CYSLTR1: variants seen among roughly 807,000 people sequenced by gnomAD.
CYSLTR1 encodes the protein G-protein coupled receptor HG55.
A neutral mutation model predicts 2.1 loss-of-function variants in CYSLTR1; 1 was observed. The ratio of observed to expected loss-of-function variants is 0.48; its 90% confidence interval spans 0.17 to 2.28. CYSLTR1 has a LOEUF of 2.28. Among genes scored for constraint, CYSLTR1 ranks in the 30% most tolerant of loss-of-function variants. The pLI, the probability that CYSLTR1 is intolerant of heterozygous loss-of-function variation, is 0.26. For missense variants in CYSLTR1, 299 were observed against 250.1 expected (o/e 1.20, Z -1.32); for synonymous variants, 110 against 89.6 (o/e 1.23, Z -1.28).
intron 1 of CYSLTR1, among the ~76,000 whole-genome samples, chrX:78,298,468 G>A (rs1224382563): frequency 9.0e-6 from 1 of 110,736 alleles, no homozygotes; most frequent in Non-Finnish European, 1.9e-5. Flanking sequence ...CTGAAAGTGG[G>A]GTGTTGAAGT....
At chrX:78,309,174 C>T (rs777747269) in intron 1 of CYSLTR1, among the ~76,000 whole-genome samples, 28 of 110,783 alleles carry the variant, frequency 2.5e-4, no homozygotes, top group East Asian at 5.7e-4. Flanking sequence ...AGAGAGAAGG[C>T]GGGAGAGAGA....
intron 2 of CYSLTR1, among the ~76,000 whole-genome samples, chrX:78,276,439 G>A (rs1921595097): frequency 9.0e-6 from 1 of 110,898 alleles, no homozygotes; most frequent in Non-Finnish European, 1.9e-5. Flanking sequence ...GACTGCTTGA[G>A]TATGCAAAAA....
At chrX:78,308,857 T>C (rs1279685790) in intron 1 of CYSLTR1, among the ~76,000 whole-genome samples, 1 of 111,186 alleles carries the variant, frequency 9.0e-6, no homozygotes, top group African/African-American at 3.3e-5. Context: ...CTGCTTGGCA[T>C]TGAATTGGTG....
intron 2 of CYSLTR1, among the ~76,000 whole-genome samples, chrX:78,281,310 G>C (rs1231938236): frequency 9.4e-6 from 1 of 105,899 alleles, no homozygotes; most frequent in Middle Eastern, 4.4e-3. Context: ...TCTGTCACCT[G>C]GGCTGGAGTG....
rs768814904 is a variant in CYSLTR1 at position 78,273,382 on chromosome X, C to T, written c.365G>A (p.Cys122Tyr). 2 of 1,211,123 alleles carry T rather than the reference C, an allele frequency of 1.7e-6. No homozygotes were observed. Among genetic ancestry groups the T allele is most frequent in the Non-Finnish European group, 1.1e-6 (1 of 895,327 alleles). Residue 122 changes from cysteine (C) to tyrosine (Y), a missense_variant, in exon 3 of 3, where the codon TGC becomes TAC. Physicochemically the swap from Cys to Tyr is radical, Grantham distance 194. Coordinates refer to ENST00000373304, the MANE Select transcript of CYSLTR1 (RefSeq NM_006639.4). ...FFMTAMSFFRCIAIVFPVQNI... is the reference protein window; with the variant it reads ...FFMTAMSFFRYIAIVFPVQNI... ...CTGGACTGGAAAAACAATTGCAATG[C>T]ACCGGAAAAAGCTCATGGCTGTCAT...
chrX:78,289,282 A>C (rs187155269), intron 1 of CYSLTR1, among the ~76,000 whole-genome samples: 1 of 111,812 alleles, frequency 8.9e-6, no homozygotes, highest in Admixed American at 9.4e-5. Context: ...GTCCCTGCAA[A>C]GGACATGAAC....
At chrX:78,296,428 G>T (rs1922577842) in intron 1 of CYSLTR1, among the ~76,000 whole-genome samples, 3 of 111,689 alleles carry the variant, frequency 2.7e-5, no homozygotes, top group African/African-American at 9.7e-5. Context: ...TTCTATTTCT[G>T]TGAAGAATGT....
intron 1 of CYSLTR1, among the ~76,000 whole-genome samples, chrX:78,302,164 G>A (rs1922845549): frequency 8.9e-6 from 1 of 111,921 alleles, no homozygotes; most frequent in African/African-American, 3.2e-5. Context: ...CTTTTCAAAG[G>A]CAGAGGAGCC....
chrX:78,301,127 GA>G (rs1922805463), intron 1 of CYSLTR1, among the ~76,000 whole-genome samples: 1 of 112,081 alleles, frequency 8.9e-6, no homozygotes, highest in Non-Finnish European at 1.9e-5. Flanking sequence ...CCTGGCCCAT[GA>G]AACCATTTTT....
In CYSLTR1 at chrX:78,289,918, G is replaced by C. The variant is rs768981854; in HGVS notation, c.-114-6378C>G. On this transcript the variant is annotated intron_variant, in intron 1 of 2. Transcript: ENST00000373304. Reference sequence around the variant, plus strand: ...TTTTCTCCCATTCTGTAGGTTGCCTGTTCACTCTGATGGTAGTTTCTTCTG... The same window carrying C: ...TTTTCTCCCATTCTGTAGGTTGCCTCTTCACTCTGATGGTAGTTTCTTCTG... Among the ~76,000 whole-genome samples the C allele has an allele frequency of 1.3e-4, 15 of 111,675 alleles. No individual in the cohort carries two copies. In the South Asian group the frequency reaches 5.6e-3, roughly 42 times the overall value.
chrX:78,302,429 C>A (rs1922858855), intron 1 of CYSLTR1, among the ~76,000 whole-genome samples: 1 of 111,469 alleles, frequency 9.0e-6, no homozygotes, highest in African/African-American at 3.3e-5. Context: ...GAGCTGGTAC[C>A]TGAGGTGCAA....
chrX:78,284,466 T>C (rs1921970219), intron 1 of CYSLTR1, among the ~76,000 whole-genome samples: 1 of 111,258 alleles, frequency 9.0e-6, no homozygotes, highest in African/African-American at 3.3e-5. Flanking sequence ...AGTGGCGTGA[T>C]CTCCACTCAC....
Position 78,291,385 on chromosome X carries a change from C to T in CYSLTR1, c.-114-7845G>A, listed in dbSNP as rs141862042. Reference sequence around the variant, plus strand: ...AGTATTTTATTGAGAATTTTTGCATCGATGTTTATCAGGGATATTAGTCTA... The same window carrying T: ...AGTATTTTATTGAGAATTTTTGCATTGATGTTTATCAGGGATATTAGTCTA... On this transcript the variant is annotated intron_variant, in intron 1 of 2. Coordinates refer to ENST00000373304, the MANE Select transcript of CYSLTR1 (RefSeq NM_006639.4). 4.5e-3 allele frequency among the ~76,000 whole-genome samples: 505 copies of T among 111,227 alleles called. 4 individuals are homozygous for T. The highest frequency in any genetic ancestry group is 0.016 in the African/African-American group (487 of 30,581).
At chrX:78,320,213 T>A (rs1425760722) in intron 1 of CYSLTR1, 1 of 112,058 alleles carries the variant, frequency 8.9e-6, no homozygotes, top group East Asian at 2.8e-4. Flanking sequence ...GTATTGCCTA[T>A]GTTTTCTTCT....
intron 1 of CYSLTR1, among the ~76,000 whole-genome samples, chrX:78,316,304 C>G (rs772023254): frequency 8.9e-6 from 1 of 112,151 alleles, no homozygotes; most frequent in Non-Finnish European, 1.9e-5. Context: ...AAGTTTCCAA[C>G]TGGATTTTGC....
At chrX:78,299,045 T>C (rs1018473787) in intron 1 of CYSLTR1, among the ~76,000 whole-genome samples, 2 of 111,480 alleles carry the variant, frequency 1.8e-5, no homozygotes, top group South Asian at 7.4e-4. Context: ...TTGTACATTG[T>C]TTGGTTTGAG....
intron 1 of CYSLTR1, among the ~76,000 whole-genome samples, chrX:78,301,519 T>A (rs1365084812): frequency 8.9e-6 from 1 of 112,181 alleles, no homozygotes; most frequent in Non-Finnish European, 1.9e-5. Flanking sequence ...TGCTAAAACA[T>A]AGCAAGAGTC....
intron 1 of CYSLTR1, among the ~76,000 whole-genome samples, chrX:78,306,375 G>T (rs977966675): frequency 2.7e-5 from 3 of 110,811 alleles, no homozygotes; most frequent in Non-Finnish European, 3.8e-5. Context: ...TGTTGGCAAG[G>T]TTGGTCTCGA....
intron 1 of CYSLTR1, among the ~76,000 whole-genome samples, chrX:78,292,325 T>A (rs1341775774): frequency 2.7e-5 from 3 of 112,383 alleles, no homozygotes; most frequent in African/African-American, 6.5e-5. Flanking sequence ...TGCACTGTTG[T>A]CTGAGAGACA....
Sources: allele counts gnomAD v4.1 joint callset (sites outside exome capture counted in the v4.1 genomes callset), GRCh38; gene constraint gnomAD v4.1.1; transcripts MANE v1.5; gene names NCBI Gene and HGNC (gene_info 2026-07-23, HGNC 2026-07-21).